Variants in PDE10A observed in about 807,000 individuals in gnomAD.
PDE10A encodes cAMP and cAMP-inhibited cGMP 3',5'-cyclic phosphodiesterase 10A.
PDE10A carries 39 observed loss-of-function variants against 97.7 expected under a neutral mutation model. The ratio of observed to expected loss-of-function variants is 0.40; its 90% CI spans 0.31 to 0.52. The LOEUF is 0.52. PDE10A is among the 20% of genes least tolerant of loss of function. The pLI, the probability that PDE10A is intolerant of heterozygous loss-of-function variation, is 0.56. For synonymous variants in PDE10A, 371 were observed against 376.8 expected (o/e 0.98, Z 0.18); for missense variants, 731 against 1,047.8 (o/e 0.70, Z 4.17).
At chr6:165,387,103 G>A (rs971812665) in intron 17 of PDE10A, among the ~76,000 whole-genome samples, 19 of 152,302 alleles carry the variant, frequency 1.2e-4, no homozygotes, top group African/African-American at 4.6e-4. Context: ...AAGAGCTGGT[G>A]TCAAGCAAAT....
At chr6:165,962,554 G>A (rs1020497105) in intron 1 of PDE10A, among the ~76,000 whole-genome samples, 16 of 116,776 alleles carry the variant, frequency 1.4e-4, no homozygotes, top group African/African-American at 4.1e-4. Context: ...ATGTGCTAAG[G>A]TTCAAGTTCA....
At chr6:165,551,554 A>G (rs1784016365) in intron 1 of PDE10A, among the ~76,000 whole-genome samples, 1 of 152,232 alleles carries the variant, frequency 6.6e-6, no homozygotes, top group African/African-American at 2.4e-5. Context: ...AATGAAGCAA[A>G]GAGAAGTTAA....
intron 1 of PDE10A, among the ~76,000 whole-genome samples, chr6:165,950,833 C>CA: frequency 1.3e-5 from 2 of 152,288 alleles, no homozygotes; most frequent in South Asian, 4.1e-4. Flanking sequence ...ACCAGGGCTA[C>CA]ACACAACAAA....
At chr6:165,681,535 T>C (rs1464895015) in intron 1 of PDE10A, among the ~76,000 whole-genome samples, 1 of 152,110 alleles carries the variant, frequency 6.6e-6, no homozygotes, top group African/African-American at 2.4e-5. Context: ...GGAGTAGTGC[T>C]GAAAACCTGC....
intron 1 of PDE10A, among the ~76,000 whole-genome samples, chr6:165,918,792 C>T (rs544657441): frequency 2.6e-5 from 4 of 152,032 alleles, no homozygotes; most frequent in Non-Finnish European, 4.4e-5. Context: ...AGCCCTCTTC[C>T]TCTCGGGGGT....
In PDE10A at chr6:165,662,754, C is replaced by T. The variant is rs1790352779; in HGVS notation, c.58G>A (p.Gly20Arg). The part of the protein sequence containing the change: ...PRPQGPLPAA[G>R]DEPGCGPGKL... ...CCGGGGCCGCAGCCCGGCTCGTCCC[C>T]GGCCGCTGGCAGGGGACCCTGGGGG... The change falls in exon 1 of 22, where the codon GGG (glycine) becomes AGG (arginine). Residue 20 changes from glycine to arginine, a missense_variant. This residue lies in a region of PDE10A where 181 missense variants were observed against 159.1 expected (regional missense o/e 1.14). Transcript: ENST00000539869. Among the ~76,000 whole-genome samples the T allele has an allele frequency of 6.8e-6, 1 of 147,826 alleles. No individual in the cohort carries two copies. The highest frequency in any genetic ancestry group is 1.5e-5 in the Non-Finnish European group (1 of 66,414).
intron 1 of PDE10A, among the ~76,000 whole-genome samples, chr6:165,696,399 C>A (rs1791444468): frequency 6.6e-6 from 1 of 152,178 alleles, no homozygotes; most frequent in Admixed American, 6.5e-5. Flanking sequence ...CTCTGTCCTG[C>A]CCAGGATGTG....
intron 2 of PDE10A, among the ~76,000 whole-genome samples, chr6:165,511,557 T>C (rs1225609920): frequency 6.6e-6 from 1 of 151,966 alleles, no homozygotes; most frequent in African/African-American, 2.4e-5. Context: ...TTAAACACAA[T>C]GTTTATTTGG....
chr6:165,691,108 C>CA lies in PDE10A; in HGVS notation c.-614-147541_-614-147540insT, dbSNP rs1410127335. 2.0e-4 allele frequency among the ~76,000 whole-genome samples: 7 copies of CA among 34,820 alleles called. 1 individual carries two copies. The highest frequency in any genetic ancestry group is 9.1e-4 in the East Asian group (1 of 1,102). The allele number at this position is 34,820 out of a possible 152,430, so 22.8% of individuals were successfully genotyped here. On this transcript the variant is annotated intron_variant, in intron 1 of 19. Transcript: ENST00000366882. ...CTCTCTCTCTCTCTCTTTCTCTCTC[C>CA]CCCCCCCCATCAGTGCCTGTGGTCA...
At position 165,786,742 on chromosome 6, in the gene PDE10A, T is replaced by C. The variant is rs138754954; in HGVS notation, c.-615+200787A>G. 1.2e-3 allele frequency among the ~76,000 whole-genome samples: 187 copies of C among 152,314 alleles called. 3 individuals carry two copies. In the East Asian group the frequency reaches 0.032, roughly 26 times the overall value. ...AGAGATGGAGGAACTTCTCTATTCC[T>C]GAAATGAGAATACTAGAGCAACTCT... On this transcript the variant is annotated intron_variant, in intron 1 of 19. Coordinates refer to the PDE10A transcript ENST00000366882.
intron 1 of PDE10A, among the ~76,000 whole-genome samples, chr6:165,710,929 T>C (rs1006214018): frequency 6.6e-6 from 1 of 152,228 alleles, no homozygotes; most frequent in Non-Finnish European, 1.5e-5. Context: ...GCTTTGCCCA[T>C]GAGGTCCCGG....
At position 165,937,459 on chromosome 6, in the gene PDE10A, T is replaced by A. The variant is rs753013917; in HGVS notation, c.-615+50070A>T. Among the ~76,000 whole-genome samples, 7 of 152,212 alleles carry A rather than the reference T, an allele frequency of 4.6e-5. No individual in the cohort carries two copies. In the South Asian group the frequency reaches 1.4e-3, roughly 31 times the overall value. On this transcript the variant is annotated intron_variant, in intron 1 of 19. Coordinates refer to the PDE10A transcript ENST00000366882. ...CATTGGAATTCAGTCTCATATTGCA[T>A]CCAAAATAAACTTACATATTTAAAA...
At chr6:165,839,845 T>TCTC (rs1780177538) in intron 1 of PDE10A, among the ~76,000 whole-genome samples, 1 of 80,082 alleles carries the variant, frequency 1.2e-5, no homozygotes, top group Non-Finnish European at 2.6e-5. Context: ...TCCATTCTTA[T>TCTC]CATCTCCATC....
chr6:165,916,869 C>T (rs916909637), intron 1 of PDE10A, among the ~76,000 whole-genome samples: 2 of 152,120 alleles, frequency 1.3e-5, no homozygotes, highest in African/African-American at 2.4e-5. Context: ...GTTCCTCCAC[C>T]GTGGGCCACC....
At position 165,446,361 on chromosome 6, in the gene PDE10A, A is replaced by T. The variant is rs190215199; in HGVS notation, c.1194+2567T>A. Among the ~76,000 whole-genome samples the T allele has an allele frequency of 2.7e-3, 407 of 152,318 alleles. 1 individual carries two copies. The highest frequency in any genetic ancestry group is 4.9e-3 in the Non-Finnish European group (335 of 68,024). On this transcript the variant is annotated intron_variant, in intron 5 of 21. Coordinates refer to ENST00000539869, the MANE Select transcript of PDE10A (RefSeq NM_001385079.1). ...ATACAAGAAGAAATGAAGAACAAGG[A>T]AAGTAGTAATCATGTAGATACATCT... is the stretch of plus-strand genomic sequence containing the variant.
intron 1 of PDE10A, among the ~76,000 whole-genome samples, chr6:165,823,833 G>A (rs1410152291): frequency 3.3e-5 from 5 of 151,836 alleles, no homozygotes; most frequent in African/African-American, 4.8e-5. Context: ...ATCATCTTAC[G>A]GGACCGCTGT....
At chr6:165,497,147 A>T (rs1216126125) in intron 2 of PDE10A, among the ~76,000 whole-genome samples, 13 of 152,208 alleles carry the variant, frequency 8.5e-5, no homozygotes, top group Admixed American at 5.2e-4. Flanking sequence ...AAAAAAGGAA[A>T]ATCAATCACT....
intron 1 of PDE10A, among the ~76,000 whole-genome samples, chr6:165,620,272 T>C (rs1212704353): frequency 6.6e-6 from 1 of 152,148 alleles, no homozygotes; most frequent in Non-Finnish European, 1.5e-5. Flanking sequence ...TTTGTGTCTC[T>C]CTCCCACCCC....
intron 1 of PDE10A, among the ~76,000 whole-genome samples, chr6:165,643,298 G>C (rs1386950570): frequency 1.8e-5 from 2 of 114,264 alleles, no homozygotes; most frequent in Admixed American, 1.6e-4. Context: ...TGAACGGATG[G>C]GTGTACAGAT....
Sources: allele counts gnomAD v4.1 joint callset (sites outside exome capture counted in the v4.1 genomes callset), GRCh38; gene constraint gnomAD v4.1.1; regional missense constraint gnomAD v4.1.1; transcripts MANE v1.5; gene names NCBI Gene and HGNC (gene_info 2026-07-23, HGNC 2026-07-21).